ROBO2: variants seen among roughly 807,000 people sequenced by gnomAD.
ROBO2 encodes roundabout guidance receptor 2, also known as roundabout homolog 2.
Under a neutral mutation model 160.8 loss-of-function variants are expected in ROBO2, and 53 were observed. That is an observed-to-expected ratio of 0.33 (90% CI 0.26 to 0.41). The LOEUF is 0.41. Among genes scored for constraint, ROBO2 ranks in the 10% least tolerant of loss-of-function variants. ROBO2 has a pLI of 1.00. For missense variants in ROBO2, 1,577 were observed against 1,722.4 expected (o/e 0.92, Z 1.49); for synonymous variants, 664 against 611.7 (o/e 1.09, Z -1.26).
Position 76,404,092 on chromosome 3 carries a change from C to T in ROBO2, c.109+466490C>T, listed in dbSNP as rs147270725. Among the ~76,000 whole-genome samples the T allele has an allele frequency of 5.4e-4, 82 of 151,582 alleles. 1 individual carries two copies. Among genetic ancestry groups the T allele is most frequent in the Admixed American group, 8.6e-4 (13 of 15,176 alleles). ...AGTTTGTATCTCTTATTGATACTTC[C>T]ACATATGCAATGCTTAATTTGTGCT... On this transcript the variant is annotated intron_variant, in intron 2 of 26. Transcript: ENST00000487694.
chr3:76,714,277 G>C (rs558744546), intron 2 of ROBO2, among the ~76,000 whole-genome samples: 1 of 152,194 alleles, frequency 6.6e-6, no homozygotes, highest in African/African-American at 2.4e-5. Flanking sequence ...TTCATTGGGA[G>C]GGAATGAGAT....
chr3:76,856,004 C>T (rs1311717426), intron 2 of ROBO2, among the ~76,000 whole-genome samples: 1 of 152,168 alleles, frequency 6.6e-6, no homozygotes, highest in African/African-American at 2.4e-5. Flanking sequence ...GGAGCTGGTT[C>T]TATGGTAAGT....
intron 2 of ROBO2, among the ~76,000 whole-genome samples, chr3:76,591,670 G>C (rs2086426843): frequency 6.6e-6 from 1 of 151,890 alleles, no homozygotes; most frequent in Admixed American, 6.6e-5. Flanking sequence ...ATTTATTTCA[G>C]AAATAAGAAG....
intron 2 of ROBO2, among the ~76,000 whole-genome samples, chr3:77,123,522 CT>C (rs2074988041): frequency 6.6e-6 from 1 of 151,976 alleles, no homozygotes; most frequent in Non-Finnish European, 1.5e-5. Flanking sequence ...CTAGAGCTTT[CT>C]GTGAATTTAG....
intron 2 of ROBO2, among the ~76,000 whole-genome samples, chr3:76,593,326 G>A (rs17801085): frequency 0.11 from 16,137 of 152,000 alleles, 1,158 homozygotes; most frequent in Middle Eastern, 0.16. Context: ...TAATGACCTG[G>A]AGAAAGATGT....
At chr3:76,190,296 A>G (rs1354111058) in intron 2 of ROBO2, among the ~76,000 whole-genome samples, 1 of 152,116 alleles carries the variant, frequency 6.6e-6, no homozygotes, top group Admixed American at 6.6e-5. Flanking sequence ...TCCCTCCCGA[A>G]GAGGTGTGTG....
chr3:76,729,319 T>C (rs958092825), intron 2 of ROBO2, among the ~76,000 whole-genome samples: 7 of 152,068 alleles, frequency 4.6e-5, no homozygotes, highest in African/African-American at 1.7e-4. Context: ...TAGGATATAG[T>C]AATAAAAATC....
intron 2 of ROBO2, among the ~76,000 whole-genome samples, chr3:76,829,964 A>C (rs1370495660): frequency 1.3e-5 from 2 of 152,172 alleles, no homozygotes. Context: ...CACCGTACCC[A>C]GCCTAGATGC....
intron 2 of ROBO2, among the ~76,000 whole-genome samples, chr3:76,636,169 G>A (rs573126733): frequency 9.2e-5 from 14 of 152,066 alleles, no homozygotes; most frequent in Admixed American, 8.5e-4. Context: ...CCTACTAAAC[G>A]TTAGAAATAT....
chr3:75,920,071 T>A (rs1946969687), intron 1 of ROBO2, among the ~76,000 whole-genome samples: 1 of 152,190 alleles, frequency 6.6e-6, no homozygotes. Flanking sequence ...TTTCTTGTCT[T>A]ATGCTAGGTT....
At chr3:76,545,137 G>T (rs191268566) in intron 2 of ROBO2, among the ~76,000 whole-genome samples, 87 of 151,988 alleles carry the variant, frequency 5.7e-4, no homozygotes, top group Middle Eastern at 3.4e-3. Context: ...GCCATCAAAG[G>T]AGTATATGGC....
intron 2 of ROBO2, among the ~76,000 whole-genome samples, chr3:77,335,253 A>G (rs1279105596): frequency 1.3e-5 from 2 of 152,110 alleles, no homozygotes; most frequent in African/African-American, 4.8e-5. Flanking sequence ...CTAAAAATAC[A>G]GAAATTAGCC....
chr3:77,611,840 G>A (rs1432841635), intron 21 of ROBO2, among the ~76,000 whole-genome samples: 1 of 152,118 alleles, frequency 6.6e-6, no homozygotes, highest in Non-Finnish European at 1.5e-5. Flanking sequence ...ACAAAAATAT[G>A]TCAAAATGTA....
chr3:77,617,047 G>A (rs572346042), intron 21 of ROBO2, among the ~76,000 whole-genome samples: 1 of 152,256 alleles, frequency 6.6e-6, no homozygotes, highest in South Asian at 2.1e-4. Context: ...CATATGGAAT[G>A]AAAGGTTGTC....
At chr3:76,432,241 G>A (rs1439898716) in intron 2 of ROBO2, among the ~76,000 whole-genome samples, 4 of 152,140 alleles carry the variant, frequency 2.6e-5, no homozygotes, top group African/African-American at 7.2e-5. Flanking sequence ...GGTCTCAAAA[G>A]TATTTAGAGA....
chr3:76,297,790 A>T (rs1380063992), intron 2 of ROBO2, among the ~76,000 whole-genome samples: 1 of 152,030 alleles, frequency 6.6e-6, no homozygotes, highest in Non-Finnish European at 1.5e-5. Flanking sequence ...TGAGAAAAAC[A>T]TAAGCAAATG....
chr3:77,378,131 A>G (rs2072938833), intron 2 of ROBO2, among the ~76,000 whole-genome samples: 1 of 152,224 alleles, frequency 6.6e-6, no homozygotes, highest in South Asian at 2.1e-4. Context: ...AAAAGGTAGT[A>G]TAGATAAGAC....
chr3:76,095,171 G>A (rs1318257368), intron 2 of ROBO2, among the ~76,000 whole-genome samples: 2 of 151,892 alleles, frequency 1.3e-5, no homozygotes, highest in Non-Finnish European at 2.9e-5. Flanking sequence ...ATAATATGGT[G>A]AACAGAGAGA....
At chr3:77,117,556 A>C (rs530371777) in intron 2 of ROBO2, among the ~76,000 whole-genome samples, 1 of 152,296 alleles carries the variant, frequency 6.6e-6, no homozygotes, top group Admixed American at 6.5e-5. Context: ...TCTCAGTATA[A>C]TTTTCTTCAT....
Sources: gnomAD v4.1 joint callset for allele counts (sites outside exome capture counted in the v4.1 genomes callset) on GRCh38, gnomAD v4.1.1 for gene constraint, MANE v1.5 for transcripts, NCBI Gene and HGNC (gene_info 2026-07-23, HGNC 2026-07-21) for gene names.